Variants in FNDC3A observed in about 807,000 individuals in gnomAD.
FNDC3A encodes fibronectin type III domain containing 3A.
Under a neutral mutation model 148.9 loss-of-function variants are expected in FNDC3A, and 32 were observed. The observed-to-expected ratio is 0.21, with a 90% confidence interval of 0.16 to 0.29. The LOEUF is 0.29. Among genes scored for constraint, FNDC3A ranks in the 10% least tolerant of loss-of-function variants. The probability of loss-of-function intolerance (pLI) is 1.00; values close to 1 mark genes in which losing one functional copy is unlikely to be tolerated. For missense variants in FNDC3A, 1,191 were observed against 1,452.8 expected (o/e 0.82, Z 2.93); for synonymous variants, 472 against 473.6 (o/e 1.00, Z 0.04).
At chr13:49,178,526 T>C (rs1413723116) in intron 13 of FNDC3A, 42 bp from the exon 14 acceptor site, 2 of 1,198,848 alleles carry the variant, frequency 1.7e-6, no homozygotes, top group Non-Finnish European at 2.5e-6. Flanking sequence ...CATATTTCTA[T>C]TGTTAGACAT....
rs371091806 is a variant in FNDC3A at position 49,112,754 on chromosome 13, A to AGAT, written c.176-1885_176-1883dup. On this transcript the variant is annotated intron_variant, in intron 3 of 25. Coordinates refer to ENST00000492622, the MANE Select transcript of FNDC3A (RefSeq NM_001079673.2). ...CTCAGTTTCCACATCTAGAAAATGG[A>AGAT]GATGATGATGATGATGATATTTACC... 1.5e-4 allele frequency among the ~76,000 whole-genome samples: 23 copies of AGAT among 152,140 alleles called. 1 individual carries two copies. The highest frequency in any genetic ancestry group is 1.2e-3 in the Admixed American group (18 of 15,282).
intron 2 of FNDC3A, among the ~76,000 whole-genome samples, chr13:49,073,787 A>C (rs1877892446): frequency 6.8e-6 from 1 of 146,604 alleles, no homozygotes; most frequent in South Asian, 2.1e-4. Flanking sequence ...ATATGTGTAT[A>C]TATTATATAT....
intron 2 of FNDC3A, among the ~76,000 whole-genome samples, chr13:49,068,865 A>G (rs1357814998): frequency 6.6e-6 from 1 of 152,232 alleles, no homozygotes; most frequent in African/African-American, 2.4e-5. Flanking sequence ...GAACACATGG[A>G]CATAAAGAGG....
chr13:49,016,079 C>T (rs1952493397), intron 2 of FNDC3A, among the ~76,000 whole-genome samples: 1 of 152,212 alleles, frequency 6.6e-6, no homozygotes. Flanking sequence ...TTTGTTGTGT[C>T]TCTGCCTGGC....
rs112653227 is a variant in FNDC3A at position 49,178,422 on chromosome 13, C to T, written c.1531-146C>T. ...GTCTACCCACTGAAGACAGAAGCAT[C>T]GAGGTGAGGATTCCACTCAACAGAG... On this transcript the variant is annotated intron_variant, in intron 13 of 25. Transcript: ENST00000492622. The T allele has an allele frequency of 1.3e-4, 73 of 576,020 alleles. No individual in the cohort carries two copies. In the Middle Eastern group the frequency reaches 2.6e-3, roughly 21 times the overall value. The allele number at this position is 576,020 out of a possible 1,614,324, so 35.7% of individuals were successfully genotyped here. A position where few individuals can be genotyped will look rare whatever the true frequency, so the allele number is the denominator to read the frequency against.
intron 3 of FNDC3A, among the ~76,000 whole-genome samples, chr13:49,113,661 C>G (rs1311235692): frequency 6.6e-6 from 1 of 152,144 alleles, no homozygotes; most frequent in Non-Finnish European, 1.5e-5. Flanking sequence ...CATTCCTCAT[C>G]AGACCTTTGT....
chr13:49,156,414 C>G (rs978179184), intron 8 of FNDC3A, among the ~76,000 whole-genome samples: 18 of 150,644 alleles, frequency 1.2e-4, no homozygotes, highest in Admixed American at 9.3e-4. Context: ...CTATGTGTGT[C>G]TCTGCACGTG....
intron 3 of FNDC3A, among the ~76,000 whole-genome samples, chr13:49,081,036 G>A (rs1878434067): frequency 6.6e-6 from 1 of 152,176 alleles, no homozygotes; most frequent in Non-Finnish European, 1.5e-5. Context: ...GAGTGAAGAA[G>A]AGAAAACAAC....
At chr13:49,143,129 A>G (rs1365916464) in intron 7 of FNDC3A, among the ~76,000 whole-genome samples, 1 of 152,144 alleles carries the variant, frequency 6.6e-6, no homozygotes, top group African/African-American at 2.4e-5. Context: ...CGGCCTCCCA[A>G]AGTGCTGGGA....
At chr13:49,137,613 A>G (rs1352665090) in intron 6 of FNDC3A, among the ~76,000 whole-genome samples, 1 of 152,206 alleles carries the variant, frequency 6.6e-6, no homozygotes, top group Admixed American at 6.5e-5. Context: ...CCAGTGTGCT[A>G]AGATTACAGG....
At chr13:49,149,179 A>C (rs1178825404) in intron 8 of FNDC3A, among the ~76,000 whole-genome samples, 1 of 145,746 alleles carries the variant, frequency 6.9e-6, no homozygotes, top group Admixed American at 6.8e-5. Context: ...TTTTTTTTTT[A>C]ATCTGAATAC....
intron 3 of FNDC3A, chr13:49,110,317 G>A: frequency 1.9e-6 from 3 of 1,539,284 alleles, no homozygotes; most frequent in Non-Finnish European, 2.6e-6. Flanking sequence ...AAAAAAAGCC[G>A]TTCTCCAATT....
At chr13:49,051,388 ATTTG>A (rs926709782) in intron 2 of FNDC3A, among the ~76,000 whole-genome samples, 21 of 152,130 alleles carry the variant, frequency 1.4e-4, no homozygotes, top group African/African-American at 4.8e-4. Context: ...TTCTCTCAGC[ATTTG>A]TTTGTCTGGA....
intron 9 of FNDC3A, among the ~76,000 whole-genome samples, 159 bp from the exon 10 acceptor site, chr13:49,168,454 C>CTTT (rs373371058): frequency 6.8e-6 from 1 of 147,002 alleles, no homozygotes; most frequent in East Asian, 2.0e-4. Flanking sequence ...AAAACTTGTC[C>CTTT]TTTTTTTTTT....
chr13:49,094,551 C>A (rs1399129725), intron 3 of FNDC3A, among the ~76,000 whole-genome samples: 1 of 151,988 alleles, frequency 6.6e-6, no homozygotes, highest in South Asian at 2.1e-4. Context: ...GTAAATAATT[C>A]TTAACCTAAT....
rs745886584 is a variant in FNDC3A at position 49,185,922 on chromosome 13, G to A, written c.1618-42G>A. The A allele has an allele frequency of 1.8e-5, 27 of 1,492,018 alleles. No individual in the cohort carries two copies. The East Asian group carries it at 6.1e-4, about 34-fold the overall frequency. 92.4% of individuals were successfully genotyped at this position (1,492,018 alleles called of 1,614,324 possible). Reference sequence around the variant, plus strand: ...TTGTTTATTAAGCCAGTATCATTAGGTATCAAGTGTATTATTTAATGTCTT... The same window carrying A: ...TTGTTTATTAAGCCAGTATCATTAGATATCAAGTGTATTATTTAATGTCTT... On this transcript the variant is annotated intron_variant, in intron 14 of 25. Coordinates refer to ENST00000492622, the MANE Select transcript of FNDC3A (RefSeq NM_001079673.2).
chr13:49,159,940 A>T (rs936005695), intron 8 of FNDC3A, among the ~76,000 whole-genome samples: 1 of 152,222 alleles, frequency 6.6e-6, no homozygotes, highest in African/African-American at 2.4e-5. Context: ...GCATACGTTG[A>T]ACAAGCCTTG....
rs576257320 is a variant in FNDC3A at position 49,191,259 on chromosome 13, A to G, written c.2101A>G (p.Met701Val). ...ACCCATTTCCTGTTACAGTGTGGAA[A>G]TGTCTCCTATAGAAAAAGATGAACC... is the stretch of plus-strand genomic sequence containing the variant. ...GSPISCYSVE[M>V]SPIEKDEPRE... Residue 701 changes from methionine (M) to valine (V), a missense_variant, in exon 19 of 26, where the codon ATG (methionine) becomes GTG (valine). Around this residue, in one of 3 missense-constraint regions of FNDC3A, gnomAD observed 751 missense variants for 944.0 expected, o/e 0.80. Coordinates refer to ENST00000492622, the MANE Select transcript of FNDC3A (RefSeq NM_001079673.2). The G allele has an allele frequency of 6.2e-5, 100 of 1,613,094 alleles. 1 individual carries two copies. In the South Asian group the frequency reaches 1.0e-3, roughly 16 times the overall value.
At chr13:49,158,837 T>C (rs1289425571) in intron 8 of FNDC3A, among the ~76,000 whole-genome samples, 3 of 152,228 alleles carry the variant, frequency 2.0e-5, no homozygotes, top group African/African-American at 4.8e-5. Context: ...TTTCTACATA[T>C]GGCTAGCCAG....
Sources: allele counts gnomAD v4.1 joint callset (sites outside exome capture counted in the v4.1 genomes callset), GRCh38; gene constraint gnomAD v4.1.1; regional missense constraint gnomAD v4.1.1; transcripts MANE v1.5; gene names NCBI Gene and HGNC (gene_info 2026-07-23, HGNC 2026-07-21).